The following NUP153 variants were observed in gnomAD, a reference collection of about 807,000 sequenced individuals.
NUP153 encodes the protein nucleoporin 153.
In NUP153, 27 loss-of-function variants were observed where a neutral mutation model predicts 134.6. The observed-to-expected ratio is 0.20, with a 90% confidence interval of 0.15 to 0.28. NUP153 has a LOEUF of 0.28. Ranked by LOEUF, NUP153 falls within the 10% of genes least tolerant of loss-of-function variation. The pLI is 1.00. For missense variants in NUP153, 1,821 were observed against 1,731.3 expected (o/e 1.05, Z -0.92); for synonymous variants, 640 against 623.5 (o/e 1.03, Z -0.40).
intron 2 of NUP153, among the ~76,000 whole-genome samples, chr6:17,676,256 T>C (rs1358147979): frequency 6.6e-6 from 1 of 152,214 alleles, no homozygotes; most frequent in Non-Finnish European, 1.5e-5. Flanking sequence ...TCCAAATGGT[T>C]AACCTGTTTA....
At chr6:17,648,300 A>T (rs962723607) in intron 12 of NUP153, among the ~76,000 whole-genome samples, 11 of 152,276 alleles carry the variant, frequency 7.2e-5, no homozygotes, top group Non-Finnish European at 1.6e-4. Flanking sequence ...CAGCCTGGGT[A>T]ACACAGCAAG....
Position 17,618,552 on chromosome 6 carries a change from TA to T in NUP153, c.4175-1858del, listed in dbSNP as rs1055344165. Among the ~76,000 whole-genome samples the T allele has an allele frequency of 9.9e-5, 13 of 130,672 alleles. No homozygotes were observed. In the Admixed American group the frequency reaches 1.2e-3, roughly 12 times the overall value. The allele number at this position is 130,672 out of a possible 152,430, so 85.7% of individuals were successfully genotyped here. On this transcript the variant is annotated intron_variant, in intron 20 of 21. Transcript: ENST00000262077. ...TAGAAATTAAAGAAATAGTGGAAGT[TA>T]AAATCTCTCTTTTTTTTTTTTTTTT... is the stretch of plus-strand genomic sequence containing the variant.
chr6:17,662,055 T>C lies in NUP153; in HGVS notation c.1231A>G (p.Asn411Asp). The change falls in exon 10 of 22, where the codon AAT (asparagine) becomes GAT (aspartate). Residue 411 changes from asparagine (N) to aspartate (D), a missense_variant. Asn to Asp is a conservative substitution (Grantham distance 23). Transcript: ENST00000262077. ...TCTCTATTTTGTCCGGGTGTCATAT[T>C]TTTTTCATATCCAGTCTGCAGGGGA... is the stretch of plus-strand genomic sequence containing the variant. ...DNKCSTGYEK[N>D]MTPGQNREQR... 1.9e-6 allele frequency: 3 copies of C among 1,612,828 alleles called. No homozygotes were observed. The highest frequency in any genetic ancestry group is 2.5e-6 in the Non-Finnish European group (3 of 1,179,380).
chr6:17,685,703 C>T (rs1253645877), intron 2 of NUP153, among the ~76,000 whole-genome samples: 2 of 152,110 alleles, frequency 1.3e-5, no homozygotes, highest in Admixed American at 1.3e-4. Flanking sequence ...TAAATAAACT[C>T]AGTGTTACCA....
intron 14 of NUP153, among the ~76,000 whole-genome samples, chr6:17,644,813 C>T (rs934772131): frequency 2.0e-5 from 3 of 152,052 alleles, no homozygotes; most frequent in Admixed American, 6.6e-5. Context: ...GGGCAGGGCG[C>T]GGTGGTTCAC....
chr6:17,649,084 G>A, intron 12 of NUP153, 79 bp downstream of exon 12: 1 of 1,280,996 alleles, frequency 7.8e-7, no homozygotes, highest in Non-Finnish European at 1.1e-6. Context: ...ATTAAACACT[G>A]TTTATAATAT....
At chr6:17,688,645 C>G in intron 1 of NUP153, 27 bp from the exon 2 acceptor site, 1 of 1,546,068 alleles carries the variant, frequency 6.5e-7, no homozygotes, top group Non-Finnish European at 8.9e-7. Flanking sequence ...CATATTATGA[C>G]AGTTTTAGAA....
In NUP153 at chr6:17,705,591, G is replaced by T. The variant is rs1041762816; in HGVS notation, c.111+686C>A. Reference sequence around the variant, plus strand: ...AAGGCGGGGGTGGCGGTGTTGGGGGGGGGGAGGGGAGTCGCGCAGCAGAGA... The same window carrying T: ...AAGGCGGGGGTGGCGGTGTTGGGGGTGGGGAGGGGAGTCGCGCAGCAGAGA... On this transcript the variant is annotated intron_variant, in intron 1 of 21. Coordinates refer to ENST00000262077, the MANE Select transcript of NUP153 (RefSeq NM_005124.4). Among the ~76,000 whole-genome samples the T allele has an allele frequency of 1.2e-4, 17 of 144,560 alleles. 1 individual carries two copies. Among genetic ancestry groups the T allele is most frequent in the Non-Finnish European group, 1.5e-4 (10 of 66,732 alleles). 94.8% of individuals were successfully genotyped at this position (144,560 alleles called of 152,430 possible).
At chr6:17,646,453 G>A (rs1016302809) in intron 13 of NUP153, among the ~76,000 whole-genome samples, 39 of 152,262 alleles carry the variant, frequency 2.6e-4, no homozygotes, top group Non-Finnish European at 4.4e-4. Flanking sequence ...TGATCCGCCC[G>A]CCTCGGCCTC....
At chr6:17,691,150 G>C (rs1554146723) in intron 1 of NUP153, among the ~76,000 whole-genome samples, 1 of 150,058 alleles carries the variant, frequency 6.7e-6, no homozygotes, top group East Asian at 2.0e-4. Flanking sequence ...TCCGTCTCAA[G>C]AAAAAAAAAG....
chr6:17,655,713 C>G (rs1333102435), intron 11 of NUP153, among the ~76,000 whole-genome samples: 2 of 151,992 alleles, frequency 1.3e-5, no homozygotes, highest in Non-Finnish European at 2.9e-5. Flanking sequence ...CTCAGCCTTC[C>G]CAAAGTACTG....
intron 1 of NUP153, among the ~76,000 whole-genome samples, chr6:17,700,945 AGCAGTG>A (rs1325904162): frequency 5.9e-5 from 9 of 152,226 alleles, no homozygotes; most frequent in Admixed American, 5.9e-4. Context: ...AAAATAGCTA[AGCAGTG>A]GCTCATGCCT....
Position 17,616,037 on chromosome 6 carries a change from C to T in NUP153, c.*60G>A, listed in dbSNP as rs900587078. ...GATAACCCCAGCACAAAGTACAATCCAGTATCTGAAAGCAGGGCACCAGCT... is the reference window on the plus strand; with the variant it reads ...GATAACCCCAGCACAAAGTACAATCTAGTATCTGAAAGCAGGGCACCAGCT... On this transcript the variant is annotated 3_prime_UTR_variant, in exon 22 of 22. Coordinates refer to ENST00000262077, the MANE Select transcript of NUP153 (RefSeq NM_005124.4). The T allele has an allele frequency of 1.0e-5, 12 of 1,185,094 alleles. No homozygotes were observed. Among genetic ancestry groups the T allele is most frequent in the Non-Finnish European group, 1.3e-5 (10 of 790,672 alleles). 73.4% of individuals were successfully genotyped at this position (1,185,094 alleles called of 1,614,324 possible). A position where few individuals can be genotyped will look rare whatever the true frequency, so the allele number is the denominator to read the frequency against.
At chr6:17,688,108 A>G (rs1383328329) in intron 2 of NUP153, among the ~76,000 whole-genome samples, 1 of 152,138 alleles carries the variant, frequency 6.6e-6, no homozygotes, top group Non-Finnish European at 1.5e-5. Flanking sequence ...ACAGAGCGAG[A>G]CTCCGTCTCA....
intron 1 of NUP153, among the ~76,000 whole-genome samples, chr6:17,696,099 G>A (rs534526099): frequency 6.6e-6 from 1 of 151,948 alleles, no homozygotes; most frequent in Non-Finnish European, 1.5e-5. Context: ...TTGCACTCCA[G>A]CCTGGGTGAC....
At chr6:17,658,195 A>G (rs565226311) in intron 11 of NUP153, among the ~76,000 whole-genome samples, 6 of 152,302 alleles carry the variant, frequency 3.9e-5, no homozygotes, top group African/African-American at 1.4e-4. Flanking sequence ...TCAGGAGTTC[A>G]AGACCAGCCT....
At position 17,665,572 on chromosome 6, in the gene NUP153, T is replaced by C. The variant is rs534623671; in HGVS notation, c.1069-187A>G. On this transcript the variant is annotated intron_variant, in intron 8 of 21. Coordinates refer to ENST00000262077, the MANE Select transcript of NUP153 (RefSeq NM_005124.4). ...CCTAAGGTATGTATTCATATACCTA[T>C]GCACATAAATATACACACATATAAT... 7.2e-5 allele frequency among the ~76,000 whole-genome samples: 11 copies of C among 152,326 alleles called. No individual in the cohort carries two copies. In the South Asian group the frequency reaches 2.3e-3, roughly 32 times the overall value.
chr6:17,637,798 C>G (rs372841653), intron 15 of NUP153, 28 bp from the exon 16 acceptor site: 1 of 1,557,244 alleles, frequency 6.4e-7, no homozygotes, highest in Admixed American at 1.9e-5. Flanking sequence ...GAGAGTGCAA[C>G]GTTAGAGAAG....
intron 14 of NUP153, among the ~76,000 whole-genome samples, chr6:17,644,131 A>G (rs1172020604): frequency 6.6e-6 from 1 of 152,112 alleles, no homozygotes; most frequent in Non-Finnish European, 1.5e-5. Flanking sequence ...TCTTATCTTC[A>G]AGACCATTCA....
Sources: allele counts gnomAD v4.1 joint callset (sites outside exome capture counted in the v4.1 genomes callset), GRCh38; gene constraint gnomAD v4.1.1; transcripts MANE v1.5; gene names NCBI Gene and HGNC (gene_info 2026-07-23, HGNC 2026-07-21).